The following CEP83 variants were observed in gnomAD, a reference collection of about 807,000 sequenced individuals.
CEP83 encodes centrosomal protein 83.
In CEP83, 70 loss-of-function variants were observed where a neutral mutation model predicts 101.9. The observed-to-expected ratio is 0.69, with a 90% CI of 0.57 to 0.84. The LOEUF is 0.84. Among genes scored for constraint, CEP83 ranks in the 40% least tolerant of loss-of-function variants. CEP83 has a pLI of 0.00. For missense variants in CEP83, 715 were observed against 787.2 expected, an observed-to-expected ratio of 0.91 and a Z score of 1.10; for synonymous variants, 264 against 267.9, an observed-to-expected ratio of 0.99 and a Z score of 0.14.
At chr12:94,411,039 T>C (rs1002707534) in intron 4 of CEP83, among the ~76,000 whole-genome samples, 2 of 152,180 alleles carry the variant, frequency 1.3e-5, no homozygotes, top group Non-Finnish European at 1.5e-5. Context: ...CAGAAATAAA[T>C]AGCTGGTGCT....
chr12:94,383,010 C>G (rs1248073391), intron 6 of CEP83, among the ~76,000 whole-genome samples: 1 of 152,032 alleles, frequency 6.6e-6, no homozygotes, highest in Non-Finnish European at 1.5e-5. Flanking sequence ...CCTTTTAGTT[C>G]TTTCAATTTT....
At chr12:94,316,132 T>C (rs1970644703) in intron 14 of CEP83, among the ~76,000 whole-genome samples, 1 of 152,192 alleles carries the variant, frequency 6.6e-6, no homozygotes, top group Admixed American at 6.5e-5. Context: ...GTCATGAACA[T>C]GGTACAGTTT....
At chr12:94,342,288 G>A (rs377513175) in intron 11 of CEP83, among the ~76,000 whole-genome samples, 7 of 152,138 alleles carry the variant, frequency 4.6e-5, no homozygotes, top group East Asian at 3.8e-4. Context: ...AATTAGAGAC[G>A]TCACTAAGAT....
intron 11 of CEP83, among the ~76,000 whole-genome samples, chr12:94,352,630 T>C (rs1014916000): frequency 1.3e-4 from 19 of 151,814 alleles, no homozygotes; most frequent in African/African-American, 4.6e-4. Context: ...GAATGAGAAA[T>C]CTGAGAGACA....
At chr12:94,454,996 C>T (rs1477108230) in intron 1 of CEP83, among the ~76,000 whole-genome samples, 5 of 152,038 alleles carry the variant, frequency 3.3e-5, no homozygotes, top group East Asian at 3.9e-4. Flanking sequence ...GAAGAAACTC[C>T]GGACACATCT....
intron 14 of CEP83, among the ~76,000 whole-genome samples, chr12:94,314,989 T>G (rs1970441716): frequency 6.6e-6 from 1 of 152,214 alleles, no homozygotes; most frequent in South Asian, 2.1e-4. Context: ...ATACCACATT[T>G]TATACATTTT....
At chr12:94,350,546 G>T (rs1254600368) in intron 11 of CEP83, among the ~76,000 whole-genome samples, 1 of 152,078 alleles carries the variant, frequency 6.6e-6, no homozygotes, top group Non-Finnish European at 1.5e-5. Context: ...TGGGGGAAAG[G>T]CTTCATGGAA....
chr12:94,274,156 A>T, the CEP83 span, among the ~76,000 whole-genome samples: 215 of 23,088 alleles, frequency 9.3e-3, 3 homozygotes, highest in African/African-American at 0.018. Flanking sequence ...CCCTGTCTCT[A>T]AAAAAAAAAA....
chr12:94,436,459 A>G (rs2065994722), intron 1 of CEP83, among the ~76,000 whole-genome samples: 1 of 152,236 alleles, frequency 6.6e-6, no homozygotes, highest in African/African-American at 2.4e-5. Context: ...AAAAGTTCCA[A>G]CAACAGAACT....
At chr12:94,299,300 G>C in the CEP83 span, among the ~76,000 whole-genome samples, 1 of 152,118 alleles carries the variant, frequency 6.6e-6, no homozygotes, top group Non-Finnish European at 1.5e-5. Flanking sequence ...GACAGGCAAG[G>C]CATCCAAATT....
At chr12:94,344,137 T>C (rs1366763080) in intron 11 of CEP83, among the ~76,000 whole-genome samples, 1 of 152,242 alleles carries the variant, frequency 6.6e-6, no homozygotes, top group Non-Finnish European at 1.5e-5. Context: ...AATTAATTCC[T>C]GTTGTTTGAT....
intron 14 of CEP83, among the ~76,000 whole-genome samples, chr12:94,319,070 C>T (rs1034971881): frequency 3.9e-5 from 6 of 152,284 alleles, no homozygotes; most frequent in Admixed American, 6.5e-5. Flanking sequence ...GTATTTACTA[C>T]TGCCTCAATT....
rs1329209190 is a variant in CEP83, at chr12:94,345,535, G to GT, written c.1344-9872dup. On this transcript the variant is annotated intron_variant, in intron 11 of 16. Transcript: ENST00000397809. ...AAACAGAATCTCTCTCTGACCTTCT[G>GT]TCCTCCTTTTACCTGCGCCTTTTTC... Among the ~76,000 whole-genome samples, 5 of 152,024 alleles carry GT rather than the reference G, an allele frequency of 3.3e-5. No homozygotes were observed. In the East Asian group the frequency reaches 9.6e-4, roughly 29 times the overall value.
chr12:94,269,961 T>C, the CEP83 span, among the ~76,000 whole-genome samples: 18 of 152,258 alleles, frequency 1.2e-4, no homozygotes, highest in Non-Finnish European at 2.4e-4. Flanking sequence ...TTCCTCTTCA[T>C]ACACTTTCTT....
the CEP83 span, among the ~76,000 whole-genome samples, chr12:94,293,525 G>A: frequency 6.6e-6 from 1 of 152,218 alleles, no homozygotes; most frequent in Non-Finnish European, 1.5e-5. Context: ...CTAGTAGCTC[G>A]GTGAGGACCC....
intron 6 of CEP83, among the ~76,000 whole-genome samples, chr12:94,399,393 G>A (rs1044668267): frequency 3.3e-5 from 5 of 152,114 alleles, no homozygotes; most frequent in African/African-American, 1.2e-4. Flanking sequence ...CTTATCTTGT[G>A]CCTTAGTTTA....
chr12:94,293,331 G>A, the CEP83 span, among the ~76,000 whole-genome samples: 2 of 152,202 alleles, frequency 1.3e-5, no homozygotes, highest in African/African-American at 4.8e-5. Flanking sequence ...ATGTGAAATG[G>A]CTCTGTCATA....
chr12:94,298,152 G>C, the CEP83 span, among the ~76,000 whole-genome samples: 3 of 152,320 alleles, frequency 2.0e-5, no homozygotes, highest in East Asian at 3.9e-4. Context: ...CTGTCCCATA[G>C]AGCCCAGCCT....
intron 2 of CEP83, among the ~76,000 whole-genome samples, chr12:94,432,353 C>CCCCT (rs2065698948): frequency 2.0e-5 from 3 of 152,104 alleles, no homozygotes; most frequent in Non-Finnish European, 4.4e-5. Context: ...TCAGCCACCA[C>CCCCT]CCCTGGCCTG....
Sources: allele counts gnomAD v4.1 joint callset (sites outside exome capture counted in the v4.1 genomes callset), GRCh38; gene constraint gnomAD v4.1.1; transcripts MANE v1.5; gene names NCBI Gene and HGNC (gene_info 2026-07-23, HGNC 2026-07-21).